The following ADCY8 variants were observed in gnomAD, a reference collection of about 807,000 sequenced individuals.
The protein encoded by ADCY8 is adenylate cyclase 8, also known as adenylate cyclase type 8.
Under a neutral mutation model 119.7 loss-of-function variants are expected in ADCY8, and 51 were observed. The observed-to-expected ratio is 0.43, with a 90% CI of 0.34 to 0.54. The LOEUF (loss-of-function observed/expected upper bound fraction) is 0.54. ADCY8 is among the 20% of genes least tolerant of loss of function. ADCY8 has a pLI of 0.03. For missense variants in ADCY8, 1,383 were observed against 1,598.8 expected (o/e 0.87, Z 2.30); for synonymous variants, 665 against 651.0 (o/e 1.02, Z -0.33).
intron 1 of ADCY8, among the ~76,000 whole-genome samples, chr8:131,007,552 C>A (rs1183239773): frequency 2.0e-5 from 3 of 152,218 alleles, no homozygotes; most frequent in Non-Finnish European, 4.4e-5. Flanking sequence ...AGTTTGAAGA[C>A]TGAGAAACCT....
intron 7 of ADCY8, among the ~76,000 whole-genome samples, chr8:130,885,971 C>A (rs1477595771): frequency 6.6e-6 from 1 of 151,920 alleles, no homozygotes; most frequent in African/African-American, 2.4e-5. Context: ...TATCGATGAG[C>A]CTCAGAGAGA....
At chr8:130,985,193 C>G (rs958588980) in intron 2 of ADCY8, among the ~76,000 whole-genome samples, 1 of 151,764 alleles carries the variant, frequency 6.6e-6, no homozygotes, top group East Asian at 1.9e-4. Flanking sequence ...ATCAAGGATA[C>G]GAGGAGGCAA....
At position 130,909,728 on chromosome 8, in the gene ADCY8, G is replaced by A. The variant is rs373322573; in HGVS notation, c.1620C>T (p.Leu540=). 9.9e-6 allele frequency: 16 copies of A among 1,613,862 alleles called. No individual in the cohort carries two copies. The highest frequency in any genetic ancestry group is 1.6e-4 in the Middle Eastern group (1 of 6,082). The change falls in exon 6 of 18, where the codon CTC becomes CTT. Residue 540 remains leucine, a synonymous_variant. Transcript: ENST00000286355. ...CTTACCCAGGGATTCCTCCAGATTC[G>A]AGTTTGTTTGCAATATCCACATCCC... The part of the protein sequence containing the change: ...WSWDVDIANK[L]ESGGIPGRIH...
chr8:131,004,354 T>A (rs556626483), intron 1 of ADCY8, among the ~76,000 whole-genome samples: 1 of 152,156 alleles, frequency 6.6e-6, no homozygotes, highest in Non-Finnish European at 1.5e-5. Context: ...CCACTCCACC[T>A]CCCATGCTTT....
chr8:130,931,462 T>C (rs755390684), intron 5 of ADCY8, among the ~76,000 whole-genome samples: 3 of 152,180 alleles, frequency 2.0e-5, no homozygotes, highest in African/African-American at 7.2e-5. Context: ...TTGACTTTCA[T>C]GTACCTGGAT....
intron 5 of ADCY8, among the ~76,000 whole-genome samples, chr8:130,920,118 G>A (rs991572246): frequency 4.1e-5 from 6 of 147,880 alleles, no homozygotes; most frequent in African/African-American, 1.5e-4. Flanking sequence ...GCTTTAGCCT[G>A]GGTGACAGAA....
intron 9 of ADCY8, 134 bp from the exon 10 acceptor site, chr8:130,849,937 T>G (rs1586479264): frequency 1.1e-6 from 1 of 886,578 alleles, no homozygotes; most frequent in Non-Finnish European, 1.7e-6. Flanking sequence ...AAGAAAAAGG[T>G]TATTAGCAGG....
intron 5 of ADCY8, among the ~76,000 whole-genome samples, chr8:130,927,194 A>C (rs948515325): frequency 6.6e-6 from 1 of 152,096 alleles, no homozygotes; most frequent in Non-Finnish European, 1.5e-5. Context: ...TGACTGTATT[A>C]ATTTACATTT....
At position 130,882,118 on chromosome 8, in the gene ADCY8, G is replaced by GTTTT. The variant is rs35806429; in HGVS notation, c.2109+2442_2109+2445dup. On this transcript the variant is annotated intron_variant, in intron 8 of 17. Coordinates refer to ENST00000286355, the MANE Select transcript of ADCY8 (RefSeq NM_001115.3). ...TTTCCTCTTAGAAACCCATATTGAG[G>GTTTT]TTTTTTTTTTTTTTTTTTCCTTTCT... Among the ~76,000 whole-genome samples, 143 of 133,056 alleles carry GTTTT rather than the reference G, an allele frequency of 1.1e-3. 1 individual carries two copies. Among genetic ancestry groups the GTTTT allele is most frequent in the African/African-American group, 3.8e-3 (133 of 35,230 alleles). The allele number at this position is 133,056 out of a possible 152,430, so 87.3% of individuals were successfully genotyped here.
intron 1 of ADCY8, among the ~76,000 whole-genome samples, chr8:131,006,509 C>G (rs942690209): frequency 2.0e-5 from 3 of 152,138 alleles, no homozygotes; most frequent in East Asian, 1.9e-4. Context: ...TTCCCCATGA[C>G]TTACTATTAT....
chr8:130,935,964 A>G (rs1413046124), intron 5 of ADCY8, among the ~76,000 whole-genome samples: 4 of 152,140 alleles, frequency 2.6e-5, no homozygotes, highest in Non-Finnish European at 5.9e-5. Flanking sequence ...AGTGGTTTTC[A>G]AGGCTGGCTG....
chr8:130,998,655 C>T (rs1457297829), intron 1 of ADCY8, among the ~76,000 whole-genome samples: 1 of 152,166 alleles, frequency 6.6e-6, no homozygotes, highest in Admixed American at 6.5e-5. Context: ...GCAGCAAGGA[C>T]AGTCAGGGAG....
chr8:130,957,807 C>T (rs1318689833), intron 2 of ADCY8, among the ~76,000 whole-genome samples: 1 of 152,186 alleles, frequency 6.6e-6, no homozygotes, highest in Non-Finnish European at 1.5e-5. Flanking sequence ...TTGGCAGCTT[C>T]CACATGGTGT....
intron 2 of ADCY8, among the ~76,000 whole-genome samples, chr8:130,979,879 A>G (rs976713243): frequency 3.3e-5 from 5 of 152,238 alleles, no homozygotes; most frequent in African/African-American, 1.2e-4. Flanking sequence ...GTCTGACTTC[A>G]TTCTAACAGC....
At chr8:130,992,314 CCTCAAGTG>C in intron 1 of ADCY8, among the ~76,000 whole-genome samples, 1 of 143,694 alleles carries the variant, frequency 7.0e-6, no homozygotes. Context: ...AAACTCCTGA[CCTCAAGTG>C]ATCTATCCAC....
rs10481175 is a variant in ADCY8, at chr8:130,794,558, C to T, written c.3060+5868G>A. 2.1e-3 allele frequency among the ~76,000 whole-genome samples: 322 copies of T among 152,298 alleles called. 1 individual carries two copies. The highest frequency in any genetic ancestry group is 3.6e-3 in the Non-Finnish European group (246 of 68,024). On this transcript the variant is annotated intron_variant, in intron 15 of 17. Coordinates refer to ENST00000286355, the MANE Select transcript of ADCY8 (RefSeq NM_001115.3). Reference sequence around the variant, plus strand: ...ACGGCCAGCCTCTGTTGTTTAAAGACACCAAATGTGTGGTACTTTGTTACA... The same window carrying T: ...ACGGCCAGCCTCTGTTGTTTAAAGATACCAAATGTGTGGTACTTTGTTACA...
chr8:131,031,660 C>T (rs961304123), intron 1 of ADCY8, among the ~76,000 whole-genome samples: 1 of 152,144 alleles, frequency 6.6e-6, no homozygotes, highest in Non-Finnish European at 1.5e-5. Context: ...CAATCTCTTG[C>T]TCTTTTATGC....
At chr8:130,888,837 T>A (rs752300288) in intron 7 of ADCY8, among the ~76,000 whole-genome samples, 1 of 152,168 alleles carries the variant, frequency 6.6e-6, no homozygotes, top group Non-Finnish European at 1.5e-5. Context: ...ATCCTACTTT[T>A]CTTGCAGATC....
intron 9 of ADCY8, among the ~76,000 whole-genome samples, chr8:130,852,368 G>T (rs1230414092): frequency 6.6e-6 from 1 of 152,094 alleles, no homozygotes; most frequent in Non-Finnish European, 1.5e-5. Flanking sequence ...TGAGTTCCCA[G>T]AGGGCTCTAG....
Sources: allele counts gnomAD v4.1 joint callset (sites outside exome capture counted in the v4.1 genomes callset), GRCh38; gene constraint gnomAD v4.1.1; transcripts MANE v1.5; gene names NCBI Gene and HGNC (gene_info 2026-07-23, HGNC 2026-07-21).